Variants in DCDC1 observed in about 807,000 individuals in gnomAD.
DCDC1 encodes the protein doublecortin domain-containing protein 1.
In DCDC1, 200 loss-of-function variants were observed where a neutral mutation model predicts 178.3. That is an observed-to-expected ratio of 1.12 (90% CI 1.00 to 1.26). The LOEUF is 1.26. DCDC1 is among the 50% of genes most tolerant of loss of function. The pLI is 0.00. For missense variants in DCDC1, 1,983 were observed against 1,749.2 expected (o/e 1.13, Z -2.38); for synonymous variants, 690 against 604.8 (o/e 1.14, Z -2.07).
At chr11:30,913,206 G>T (rs1391815056) in intron 27 of DCDC1, among the ~76,000 whole-genome samples, 1 of 152,048 alleles carries the variant, frequency 6.6e-6, no homozygotes, top group Non-Finnish European at 1.5e-5. Context: ...CGGATCACAA[G>T]GTCAGGAGAT....
intron 7 of DCDC1, among the ~76,000 whole-genome samples, chr11:31,289,976 A>G (rs1313955490): frequency 6.6e-6 from 1 of 151,986 alleles, no homozygotes; most frequent in Admixed American, 6.6e-5. Context: ...TGGTTGAAAA[A>G]TCCTTATCTG....
At chr11:31,354,717 A>C (rs1951243913) in intron 1 of DCDC1, among the ~76,000 whole-genome samples, 1 of 152,158 alleles carries the variant, frequency 6.6e-6, no homozygotes, top group East Asian at 1.9e-4. Context: ...AAAATGATTT[A>C]GGAAGAAAGG....
chr11:31,188,527 T>C (rs1293575253), intron 9 of DCDC1, among the ~76,000 whole-genome samples: 1 of 152,132 alleles, frequency 6.6e-6, no homozygotes, highest in Non-Finnish European at 1.5e-5. Flanking sequence ...GAGATGATGA[T>C]GTAATTGTTC....
chr11:31,336,389 T>C (rs1950275252), intron 1 of DCDC1, among the ~76,000 whole-genome samples: 2 of 152,138 alleles, frequency 1.3e-5, no homozygotes, highest in South Asian at 2.1e-4. Context: ...AGTAGATGAA[T>C]AGATGAACAA....
intron 18 of DCDC1, among the ~76,000 whole-genome samples, chr11:31,076,499 C>G (rs1956873008): frequency 6.6e-6 from 1 of 152,088 alleles, no homozygotes; most frequent in Non-Finnish European, 1.5e-5. Context: ...CAGGCATGCA[C>G]CATCAGGACT....
intron 32 of DCDC1, among the ~76,000 whole-genome samples, chr11:30,900,977 A>T (rs553108507): frequency 3.8e-4 from 58 of 152,178 alleles, no homozygotes; most frequent in Non-Finnish European, 7.9e-4. Context: ...ATGAACATCC[A>T]ATAAATGTTA....
At chr11:30,881,404 T>C in intron 36 of DCDC1, 96 bp from the exon 37 acceptor site, 2 of 1,429,734 alleles carry the variant, frequency 1.4e-6, no homozygotes, top group Non-Finnish European at 1.9e-6. Flanking sequence ...ATTATCCCAG[T>C]TTGATTATTT....
At chr11:30,906,825 C>A (rs192287841) in intron 29 of DCDC1, 100 bp from the exon 30 acceptor site, 10 of 1,023,324 alleles carry the variant, frequency 9.8e-6, no homozygotes, top group East Asian at 8.7e-5. Context: ...TTTTAACACC[C>A]CAAAATGCTA....
rs1205407768 is a variant in DCDC1, at chr11:30,911,349, C to T, written c.3725G>A (p.Cys1242Tyr). ...VSMTKTRNEVCGYPVIVQKYK... is the reference protein window; with the variant it reads ...VSMTKTRNEVYGYPVIVQKYK... ...TACCTGAACAATAACTGGATAGCCA[C>T]AAACTTCATTTCTAGTCTTGGTCAT... The change falls in exon 28 of 39, where the codon TGT becomes TAT. Residue 1242 changes from cysteine (C) to tyrosine (Y), a missense_variant. Transcript: ENST00000684477. The T allele has an allele frequency of 6.2e-7, 1 of 1,605,144 alleles. No homozygotes were observed. Among genetic ancestry groups the T allele is most frequent in the African/African-American group, 1.3e-5 (1 of 74,902 alleles).
At chr11:31,178,913 A>C (rs1591320898) in intron 9 of DCDC1, among the ~76,000 whole-genome samples, 1 of 152,078 alleles carries the variant, frequency 6.6e-6, no homozygotes, top group South Asian at 2.1e-4. Flanking sequence ...GGCTGGTCTC[A>C]AACTCCTGAC....
chr11:31,070,281 T>C (rs1162959473), intron 18 of DCDC1, among the ~76,000 whole-genome samples: 1 of 152,194 alleles, frequency 6.6e-6, no homozygotes, highest in African/African-American at 2.4e-5. Flanking sequence ...CAAATTTTTC[T>C]TCTAGAAAGT....
intron 1 of DCDC1, among the ~76,000 whole-genome samples, chr11:31,364,749 GA>G (rs1951876753): frequency 6.7e-6 from 1 of 150,314 alleles, no homozygotes; most frequent in South Asian, 2.1e-4. Context: ...CCAACAAAGG[GA>G]AAAATGAAAA....
intron 9 of DCDC1, 52 bp downstream of exon 9, chr11:31,241,398 A>C (rs1262169488): frequency 2.5e-6 from 1 of 394,618 alleles, no homozygotes; most frequent in Non-Finnish European, 4.5e-6. Context: ...TATACAACCA[A>C]GTATATTTTT....
chr11:30,970,040 G>A (rs1405453100), intron 20 of DCDC1, among the ~76,000 whole-genome samples: 1 of 152,126 alleles, frequency 6.6e-6, no homozygotes, highest in Non-Finnish European at 1.5e-5. Flanking sequence ...CCAAAAGCAA[G>A]GAAGGAGGGA....
chr11:31,059,846 T>C (rs1955815089), intron 20 of DCDC1, among the ~76,000 whole-genome samples: 2 of 152,088 alleles, frequency 1.3e-5, no homozygotes, highest in African/African-American at 4.8e-5. Context: ...TGCTACTGTA[T>C]ACTCAAGAAA....
At chr11:31,011,629 C>T (rs765938405) in intron 20 of DCDC1, among the ~76,000 whole-genome samples, 6 of 152,294 alleles carry the variant, frequency 3.9e-5, no homozygotes, top group South Asian at 2.1e-4. Context: ...TCATCCCCTA[C>T]GCTATAGTAG....
At chr11:31,262,175 G>A (rs1944833869) in intron 8 of DCDC1, among the ~76,000 whole-genome samples, 1 of 151,934 alleles carries the variant, frequency 6.6e-6, no homozygotes, top group South Asian at 2.1e-4. Context: ...GCTGAGGTGG[G>A]AGGATTGCTT....
intron 18 of DCDC1, among the ~76,000 whole-genome samples, chr11:31,075,379 A>G (rs1335308060): frequency 6.6e-6 from 1 of 152,146 alleles, no homozygotes; most frequent in Admixed American, 6.5e-5. Flanking sequence ...TTTTGATATA[A>G]TGATTTCTTT....
At chr11:31,329,789 C>T (rs1284118832) in intron 2 of DCDC1, among the ~76,000 whole-genome samples, 1 of 152,166 alleles carries the variant, frequency 6.6e-6, no homozygotes, top group East Asian at 1.9e-4. Context: ...TTTCTTAATC[C>T]AGTCTATCAT....
Sources: gnomAD v4.1 joint callset for allele counts (sites outside exome capture counted in the v4.1 genomes callset) on GRCh38, gnomAD v4.1.1 for gene constraint, MANE v1.5 for transcripts, NCBI Gene and HGNC (gene_info 2026-07-23, HGNC 2026-07-21) for gene names.